PCSK7: variants seen among roughly 807,000 people sequenced by gnomAD.
The protein encoded by PCSK7 is lymphoma proprotein convertase.
PCSK7 carries 38 observed loss-of-function variants against 73.3 expected under a neutral mutation model. That is an observed-to-expected ratio of 0.52 (90% CI 0.40 to 0.68). PCSK7 has a LOEUF of 0.68. Ranked by LOEUF, PCSK7 falls within the 30% of genes least tolerant of loss-of-function variation. The probability of loss-of-function intolerance (pLI) is 0.00; values close to 1 mark genes in which losing one functional copy is unlikely to be tolerated. For synonymous variants in PCSK7, 296 were observed against 383.8 expected (o/e 0.77, Z 2.68); for missense variants, 692 against 991.5 (o/e 0.70, Z 4.06).
intron 4 of PCSK7, 37 bp from the exon 5 acceptor site, chr11:117,227,359 G>A: frequency 6.6e-7 from 1 of 1,524,992 alleles, no homozygotes; most frequent in Admixed American, 1.7e-5. Flanking sequence ...GTCATTCACT[G>A]GTTAGAGGGG....
At chr11:117,223,480 A>G (rs1429236178) in intron 8 of PCSK7, 172 bp from the exon 9 acceptor site, 2 of 593,362 alleles carry the variant, frequency 3.4e-6, no homozygotes, top group Non-Finnish European at 6.0e-6. Context: ...CTGAACAGGC[A>G]GTCTCAAGTG....
chr11:117,206,417 G>A (rs2031398504), intron 16 of PCSK7, 61 bp from the exon 17 acceptor site: 1 of 1,553,422 alleles, frequency 6.4e-7, no homozygotes, highest in African/African-American at 1.4e-5. Flanking sequence ...GCCTTTCTCA[G>A]CCCAGGACAA....
At chr11:117,221,517 AG>A (rs1331114790) in intron 9 of PCSK7, 2 of 152,238 alleles carry the variant, frequency 1.3e-5, no homozygotes, top group African/African-American at 4.8e-5. Flanking sequence ...CTCTGCCCTC[AG>A]AAAGACAGCT....
chr11:117,224,649 A>C, intron 7 of PCSK7, 52 bp downstream of exon 7: 33 of 1,401,094 alleles, frequency 2.4e-5, no homozygotes, highest in Non-Finnish European at 3.0e-5. Flanking sequence ...TTCTCCCGGG[A>C]CTGTATGAAG....
intron 3 of PCSK7, 51 bp downstream of exon 3, chr11:117,229,326 C>G: frequency 2.9e-6 from 4 of 1,374,876 alleles, no homozygotes; most frequent in Non-Finnish European, 4.0e-6. Flanking sequence ...CATTAAAGAA[C>G]TGGACTGGAA....
Position 117,223,266 on chromosome 11 carries a change from T to A in PCSK7, c.1097A>T (p.Glu366Val). ...EEGRMPFYAE[E>V]CASMLAVTFS... The stretch of plus-strand genomic sequence containing the variant: ...GGTGACTGCCAGCATGGAGGCACAT[T>A]CTTCTGCATAGAAAGGCATGCGTCC... Residue 366 changes from glutamate to valine, a missense_variant, in exon 9 of 17, where the codon GAA becomes GTA. By Grantham distance (121) the Glu-to-Val change is moderately radical. Coordinates refer to ENST00000320934, the MANE Select transcript of PCSK7 (RefSeq NM_004716.4). 1.9e-6 allele frequency: 3 copies of A among 1,613,912 alleles called. No individual in the cohort carries two copies. The highest frequency in any genetic ancestry group is 2.5e-6 in the Non-Finnish European group (3 of 1,179,800).
intron 4 of PCSK7, among the ~76,000 whole-genome samples, chr11:117,227,819 G>A (rs989636714): frequency 7.9e-5 from 12 of 152,200 alleles, no homozygotes; most frequent in Non-Finnish European, 1.6e-4. Flanking sequence ...ACTGAGAAGT[G>A]CCACAGCTCC....
chr11:117,211,862 C>G (rs1216872327), intron 12 of PCSK7: 1 of 152,266 alleles, frequency 6.6e-6, no homozygotes, highest in Admixed American at 6.5e-5. Flanking sequence ...GTTTCCTCAT[C>G]TGTAAAATGG....
chr11:117,215,549 C>CTG (rs908420826), intron 12 of PCSK7: 1 of 149,596 alleles, frequency 6.7e-6, no homozygotes, highest in Non-Finnish European at 1.5e-5. Flanking sequence ...TACAGGCACC[C>CTG]ACCACCACGC....
At chr11:117,224,266 C>T in intron 7 of PCSK7, 50 bp from the exon 8 acceptor site, 1 of 1,592,102 alleles carries the variant, frequency 6.3e-7, no homozygotes, top group East Asian at 2.2e-5. Context: ...ACAGAAAGAC[C>T]TCCGCCTACC....
At chr11:117,228,878 C>T (rs2032532906) in intron 3 of PCSK7, among the ~76,000 whole-genome samples, 1 of 152,150 alleles carries the variant, frequency 6.6e-6, no homozygotes, top group Admixed American at 6.5e-5. Flanking sequence ...TCTCGGCCTC[C>T]CAAAGTGCTG....
Position 117,227,139 on chromosome 11 carries a change from G to C in PCSK7, c.769+18C>G, listed in dbSNP as rs372433307. 3 of 1,587,332 alleles carry C rather than the reference G, an allele frequency of 1.9e-6. No homozygotes were observed. The highest frequency in any genetic ancestry group is 1.7e-6 in the Non-Finnish European group (2 of 1,166,414). On this transcript the variant is annotated intron_variant, in intron 5 of 16. Coordinates refer to ENST00000320934, the MANE Select transcript of PCSK7 (RefSeq NM_004716.4). ...CACAGGAGCAGCCTACCAAGGCTAG[G>C]CTGGAGGCACAAGTTACCTGCGATG...
intron 9 of PCSK7, chr11:117,222,184 G>A (rs2032227307): frequency 6.6e-6 from 1 of 152,182 alleles, no homozygotes; most frequent in South Asian, 2.1e-4. Context: ...ATGGTTGCGG[G>A]CAACAGGGAC....
At chr11:117,225,095 T>A in intron 6 of PCSK7, 1 of 180,332 alleles carries the variant, frequency 5.5e-6, no homozygotes, top group East Asian at 1.3e-4. Context: ...GGCGTCTTCC[T>A]CTGTTGCCCA....
At chr11:117,222,811 TA>T (rs1565313857) in intron 9 of PCSK7, 1 of 167,084 alleles carries the variant, frequency 6.0e-6, no homozygotes, top group Non-Finnish European at 1.3e-5. Flanking sequence ...CACACCAGGC[TA>T]ATTTTTGTAT....
Position 117,224,065 on chromosome 11 carries a change from AT to A in PCSK7, c.1054+12del. On this transcript the variant is annotated intron_variant, in intron 8 of 16. Transcript: ENST00000320934. Reference sequence around the variant, plus strand: ...GACACACACACAGGAGCACAGAAACATTGGGTGACTACCTATGGTGACGGTG... The same window carrying A: ...GACACACACACAGGAGCACAGAAACATGGGTGACTACCTATGGTGACGGTG... The A allele has an allele frequency of 6.2e-7, 1 of 1,613,964 alleles. No individual in the cohort carries two copies. The highest frequency in any genetic ancestry group is 8.5e-7 in the Non-Finnish European group (1 of 1,179,808).
At chr11:117,213,684 C>T (rs1290776142) in intron 12 of PCSK7, 4 of 152,156 alleles carry the variant, frequency 2.6e-5, no homozygotes, top group South Asian at 2.1e-4. Context: ...TGTCTGCGTT[C>T]GCAGTGTACG....
At chr11:117,226,995 GAT>G in intron 5 of PCSK7, 160 bp downstream of exon 5, 1 of 541,360 alleles carries the variant, frequency 1.8e-6, no homozygotes, top group East Asian at 3.3e-5. Context: ...TCAATGAGCT[GAT>G]ATGTCCTACA....
chr11:117,231,725 C>T (rs2032676049), intron 1 of PCSK7: 1 of 152,282 alleles, frequency 6.6e-6, no homozygotes, highest in Admixed American at 6.5e-5. Context: ...AGTCCAAGAT[C>T]CTGCTCCCAA....
Sources: allele counts gnomAD v4.1 joint callset (sites outside exome capture counted in the v4.1 genomes callset), GRCh38; gene constraint gnomAD v4.1.1; transcripts MANE v1.5; gene names NCBI Gene and HGNC (gene_info 2026-07-23, HGNC 2026-07-21).